Variants in GEN1 observed in about 807,000 individuals in gnomAD.
The protein encoded by GEN1 is flap endonuclease GEN homolog 1.
GEN1 carries 64 observed loss-of-function variants against 67.6 expected under a neutral mutation model. That is an observed-to-expected ratio of 0.95 (90% CI 0.77 to 1.17). GEN1 has a LOEUF of 1.17. Among genes scored for constraint, GEN1 ranks in the 50% most tolerant of loss-of-function variants. The probability of loss-of-function intolerance (pLI) is 0.00; values close to 1 mark genes in which losing one functional copy is unlikely to be tolerated. For missense variants in GEN1, 1,058 were observed against 1,048.3 expected, an observed-to-expected ratio of 1.01 and a Z score of -0.13; for synonymous variants, 371 against 359.4, an observed-to-expected ratio of 1.03 and a Z score of -0.37.
chr2:17,774,467 C>T (rs1672338733), intron 11 of GEN1, 66 bp downstream of exon 11: 1 of 1,330,504 alleles, frequency 7.5e-7, no homozygotes, highest in African/African-American at 1.5e-5. Context: ...TAAAATATTC[C>T]TAATATCTTT....
At chr2:17,765,341 A>G (rs1236930731) in intron 4 of GEN1, among the ~76,000 whole-genome samples, 1 of 152,236 alleles carries the variant, frequency 6.6e-6, no homozygotes, top group African/African-American at 2.4e-5. Context: ...TGCATATGAA[A>G]ATGTGTTGCT....
rs1672866336 is a variant in GEN1, at chr2:17,782,020, G to C, written c.*81G>C. ...GACAGAGGGAAGGTATCTAGTTCAT[G>C]TGTGGTAAAAATTTTAATGTTCTCT... On this transcript the variant is annotated 3_prime_UTR_variant, in exon 14 of 14. Transcript: ENST00000381254. 5.3e-6 allele frequency: 4 copies of C among 758,926 alleles called. No homozygotes were observed. The highest frequency in any genetic ancestry group is 8.4e-6 in the Non-Finnish European group (4 of 476,022). 47.0% of individuals were successfully genotyped at this position (758,926 alleles called of 1,614,324 possible).
rs774823281 is a variant in GEN1, at chr2:17,781,660, A to G, written c.2448A>G (p.Thr816=). 1.9e-6 allele frequency: 3 copies of G among 1,614,038 alleles called. No homozygotes were observed. The East Asian group carries it at 6.7e-5, about 36-fold the overall frequency. ...CAGTGTTTGGGAAAGCTAAGTACACAACTCAAAGAATGAAGCACAGTTCTC... is the reference window on the plus strand; with the variant it reads ...CAGTGTTTGGGAAAGCTAAGTACACGACTCAAAGAATGAAGCACAGTTCTC... ...SAPVFGKAKY[T]TQRMKHSSQK... The change falls in exon 14 of 14, where the codon ACA becomes ACG. Residue 816 remains threonine, a synonymous_variant. Transcript: ENST00000381254.
At position 17,784,610 on chromosome 2, in the gene GEN1, T is replaced by C. The variant is rs1044375528; in HGVS notation, c.*2671T>C. 2.6e-5 allele frequency: 4 copies of C among 152,244 alleles called. No individual in the cohort carries two copies. Among genetic ancestry groups the C allele is most frequent in the African/African-American group, 9.6e-5 (4 of 41,464 alleles). 9.4% of individuals were successfully genotyped at this position (152,244 alleles called of 1,614,324 possible). The stretch of plus-strand genomic sequence containing the variant: ...AAACTAATGTGTATTAGCTATTGTG[T>C]GCTAAGCATTCAACTAGATTATTTA... On this transcript the variant is annotated 3_prime_UTR_variant, in exon 14 of 14. Transcript: ENST00000381254.
At chr2:17,768,488 T>C (rs1441456707) in intron 5 of GEN1, among the ~76,000 whole-genome samples, 3 of 152,222 alleles carry the variant, frequency 2.0e-5, no homozygotes, top group African/African-American at 7.2e-5. Flanking sequence ...AGTGGTTTGG[T>C]ATATAACTCG....
upstream of GEN1, among the ~76,000 whole-genome samples, chr2:17,753,322 T>TCGGGGGACGGCCGC (rs1671166342): frequency 2.2e-5 from 1 of 45,798 alleles, no homozygotes; most frequent in Non-Finnish European, 4.8e-5. Flanking sequence ...CCCGGGAGAG[T>TCGGGGGACGGCCGC]CTGGGGACGG....
intron 11 of GEN1, among the ~76,000 whole-genome samples, chr2:17,776,734 A>G (rs1408305529): frequency 6.6e-6 from 1 of 152,250 alleles, no homozygotes; most frequent in Non-Finnish European, 1.5e-5. Flanking sequence ...CCGAGTAAAA[A>G]TAATTTACAA....
At chr2:17,780,255 CTTCT>C (rs1268944617) in intron 13 of GEN1, 134 bp downstream of exon 13, 37 of 700,012 alleles carry the variant, frequency 5.3e-5, no homozygotes, top group Non-Finnish European at 8.2e-5. Context: ...TGTATTCTTC[CTTCT>C]TTGTCTTCAC....
intron 1 of GEN1, chr2:17,755,517 GA>G (rs1230120928): frequency 2.6e-5 from 4 of 152,040 alleles, no homozygotes; most frequent in Non-Finnish European, 5.9e-5. Flanking sequence ...AAATAAAATT[GA>G]AAAAATAATT....
intron 1 of GEN1, among the ~76,000 whole-genome samples, chr2:17,755,971 TCCTTTA>T (rs1236886067): frequency 6.6e-6 from 1 of 152,230 alleles, no homozygotes; most frequent in Non-Finnish European, 1.5e-5. Context: ...GATTCTTAAG[TCCTTTA>T]AGATGGAAAT....
Position 17,771,249 on chromosome 2 carries a change from C to T in GEN1, c.764C>T (p.Thr255Ile), listed in dbSNP as rs758265340. The T allele has an allele frequency of 3.1e-6, 5 of 1,611,336 alleles. No individual in the cohort carries two copies. The highest frequency in any genetic ancestry group is 4.2e-6 in the Non-Finnish European group (5 of 1,177,778). Reference sequence around the variant, plus strand: ...AACTCTAGTCCACAACTGCTAGTCACTAAAAAACTGGCTCATTGTTCCGTA... The same window carrying T: ...AACTCTAGTCCACAACTGCTAGTCATTAAAAAACTGGCTCATTGTTCCGTA... ...SCNSSPQLLV[T>I]KKLAHCSVCS... The change falls in exon 7 of 14, where the codon ACT becomes ATT. Residue 255 changes from threonine (T) to isoleucine (I), a missense_variant. Coordinates refer to ENST00000381254, the MANE Select transcript of GEN1 (RefSeq NM_001130009.3).
At chr2:17,770,976 C>A in intron 6 of GEN1, 1 of 584,118 alleles carries the variant, frequency 1.7e-6, no homozygotes, top group Non-Finnish European at 3.2e-6. Flanking sequence ...CACACATATA[C>A]TCTCTCTCCT....
At chr2:17,757,600 T>C (rs1314460102) in intron 1 of GEN1, among the ~76,000 whole-genome samples, 1 of 152,152 alleles carries the variant, frequency 6.6e-6, no homozygotes, top group Non-Finnish European at 1.5e-5. Context: ...CCAGAGAAAA[T>C]ATGTGCCCTG....
At position 17,780,069 on chromosome 2, in the gene GEN1, C is replaced by A; in HGVS notation, c.1356C>A (p.Ile452=). 6.2e-7 allele frequency: 1 copy of A among 1,611,688 alleles called. No individual in the cohort carries two copies. The highest frequency in any genetic ancestry group is 1.7e-4 in the Middle Eastern group (1 of 6,046). ...TGTTTGAAGCAGCATATCCTGAGATCGTTGCTGTTTACCAAAAACAAAAGT... is the reference window on the plus strand; with the variant it reads ...TGTTTGAAGCAGCATATCCTGAGATAGTTGCTGTTTACCAAAAACAAAAGT... ...ESLFEAAYPE[I]VAVYQKQKLE... is the part of the protein sequence containing the mutation. The change falls in exon 13 of 14, where the codon ATC becomes ATA. Residue 452 remains isoleucine (I), a synonymous_variant. Transcript: ENST00000381254.
At chr2:17,761,312 A>G in intron 2 of GEN1, 84 bp from the exon 3 acceptor site, 3 of 701,932 alleles carry the variant, frequency 4.3e-6, no homozygotes, top group South Asian at 2.0e-5. Flanking sequence ...ATACTAGTCT[A>G]ATGTTCTTGC....
At chr2:17,766,295 G>C (rs1317765827) in intron 4 of GEN1, among the ~76,000 whole-genome samples, 2 of 152,070 alleles carry the variant, frequency 1.3e-5, no homozygotes, top group Non-Finnish European at 2.9e-5. Flanking sequence ...AGCCTCCCAA[G>C]TAACTGGGAC....
In GEN1 at chr2:17,781,983, A is replaced by G. The variant is rs1157057702; in HGVS notation, c.*44A>G. On this transcript the variant is annotated 3_prime_UTR_variant, in exon 14 of 14. Transcript: ENST00000381254. The stretch of plus-strand genomic sequence containing the variant: ...ATAACTTAACTATTTTAGTACTATC[A>G]GCAATAGCAGAGACAGAGGGAAGGT... The G allele has an allele frequency of 2.8e-6, 3 of 1,074,802 alleles. No homozygotes were observed. The South Asian group carries it at 5.0e-5, about 18-fold the overall frequency. The allele number at this position is 1,074,802 out of a possible 1,614,324, so 66.6% of individuals were successfully genotyped here. A position where few individuals can be genotyped will look rare whatever the true frequency, so the allele number is the denominator to read the frequency against.
Position 17,778,245 on chromosome 2 carries a change from T to C in GEN1, c.1264+182T>C, listed in dbSNP as rs1184814466. On this transcript the variant is annotated intron_variant, in intron 12 of 13. Transcript: ENST00000381254. The stretch of plus-strand genomic sequence containing the variant: ...ACACACACATATATGTGTGTACATA[T>C]ATGTATACACACATATGTGTGTACA... Among the ~76,000 whole-genome samples the C allele has an allele frequency of 1.1e-4, 14 of 132,756 alleles. 1 individual carries two copies. Among genetic ancestry groups the C allele is most frequent in the African/African-American group, 3.0e-4 (10 of 32,914 alleles). The allele number at this position is 132,756 out of a possible 152,430, so 87.1% of individuals were successfully genotyped here. A position where few individuals can be genotyped will look rare whatever the true frequency, so the allele number is the denominator to read the frequency against.
intron 11 of GEN1, among the ~76,000 whole-genome samples, chr2:17,775,769 A>G (rs1431706945): frequency 6.6e-6 from 1 of 152,192 alleles, no homozygotes; most frequent in East Asian, 1.9e-4. Context: ...AGAACAATAG[A>G]CTGCTTTCAT....
Sources: gnomAD v4.1 joint callset for allele counts (sites outside exome capture counted in the v4.1 genomes callset) on GRCh38, gnomAD v4.1.1 for gene constraint, MANE v1.5 for transcripts, NCBI Gene and HGNC (gene_info 2026-07-23, HGNC 2026-07-21) for gene names.